The following FILIP1L variants were observed in gnomAD, a reference collection of about 807,000 sequenced individuals.
FILIP1L encodes filamin A-interacting protein 1-like.
In FILIP1L, 55 loss-of-function variants were observed where a neutral mutation model predicts 96.6. The ratio of observed to expected loss-of-function variants is 0.57; its 90% CI spans 0.46 to 0.71. The LOEUF (loss-of-function observed/expected upper bound fraction) is 0.71. Among genes scored for constraint, FILIP1L ranks in the 30% least tolerant of loss-of-function variants. The probability of loss-of-function intolerance (pLI) is 0.00; values close to 1 mark genes in which losing one functional copy is unlikely to be tolerated. For missense variants in FILIP1L, 1,304 were observed against 1,321.2 expected, an observed-to-expected ratio of 0.99 and a Z score of 0.20; for synonymous variants, 467 against 473.9, an observed-to-expected ratio of 0.99 and a Z score of 0.19.
chr3:100,021,940 TGTGTGTGTGTGTGTGTGTGTGA>T, intron 1 of FILIP1L, among the ~76,000 whole-genome samples: 1 of 127,254 alleles, frequency 7.9e-6, no homozygotes, highest in Non-Finnish European at 1.7e-5. Flanking sequence ...TGTGTGTGTG[TGTGTGTGTGTGTGTGTGTGTGA>T]GAGAGAGAGA....
intron 4 of FILIP1L, among the ~76,000 whole-genome samples, chr3:99,914,692 T>A (rs1449171117): frequency 6.6e-6 from 1 of 152,256 alleles, no homozygotes; most frequent in African/African-American, 2.4e-5. Flanking sequence ...TCATAACTTT[T>A]GACTTAGCAA....
At chr3:99,859,089 G>A (rs1944113658) in intron 4 of FILIP1L, among the ~76,000 whole-genome samples, 1 of 152,196 alleles carries the variant, frequency 6.6e-6, no homozygotes, top group Admixed American at 6.5e-5. Context: ...ATAAGACATT[G>A]TGTTTTGTTT....
chr3:99,973,184 A>G (rs1373811367), intron 1 of FILIP1L, among the ~76,000 whole-genome samples: 3 of 152,250 alleles, frequency 2.0e-5, no homozygotes, highest in Non-Finnish European at 4.4e-5. Flanking sequence ...GAATTCTCTG[A>G]AAAACTAGGA....
intron 1 of FILIP1L, among the ~76,000 whole-genome samples, chr3:99,960,696 A>T (rs1213353880): frequency 6.6e-6 from 1 of 152,124 alleles, no homozygotes; most frequent in African/African-American, 2.4e-5. Flanking sequence ...GATTGAGGGG[A>T]GGAACACTTT....
At chr3:100,035,240 C>G (rs1452042785) in intron 1 of FILIP1L, among the ~76,000 whole-genome samples, 2 of 152,092 alleles carry the variant, frequency 1.3e-5, no homozygotes, top group African/African-American at 4.8e-5. Flanking sequence ...AAATGAATGT[C>G]CATGCTGTGC....
intron 1 of FILIP1L, among the ~76,000 whole-genome samples, chr3:99,970,386 G>A (rs939653630): frequency 6.6e-6 from 1 of 152,214 alleles, no homozygotes; most frequent in African/African-American, 2.4e-5. Context: ...TCTTAAGCAT[G>A]TAATAACTGA....
At chr3:99,975,774 C>T (rs1330867127) in intron 1 of FILIP1L, among the ~76,000 whole-genome samples, 1 of 152,182 alleles carries the variant, frequency 6.6e-6, no homozygotes, top group Non-Finnish European at 1.5e-5. Context: ...GACATTCTTA[C>T]TCAAATTGAA....
At chr3:99,858,224 GGGA>G (rs1240262645) in intron 4 of FILIP1L, among the ~76,000 whole-genome samples, 2 of 152,294 alleles carry the variant, frequency 1.3e-5, no homozygotes, top group African/African-American at 4.8e-5. Flanking sequence ...CCAGCACTTT[GGGA>G]GGCTGAGGCA....
chr3:100,071,172 C>G (rs909141581), intron 1 of FILIP1L, among the ~76,000 whole-genome samples: 3 of 135,064 alleles, frequency 2.2e-5, no homozygotes, highest in African/African-American at 8.4e-5. Flanking sequence ...CTATTTCAGA[C>G]ATATCACTGT....
intron 4 of FILIP1L, among the ~76,000 whole-genome samples, chr3:99,892,742 G>T (rs569777211): frequency 4.1e-4 from 62 of 152,124 alleles, no homozygotes; most frequent in Admixed American, 3.9e-4. Flanking sequence ...ACCCTCAAAG[G>T]CTTGCCCTTA....
chr3:99,853,683 C>T (rs1943817386), intron 4 of FILIP1L, among the ~76,000 whole-genome samples: 1 of 152,088 alleles, frequency 6.6e-6, no homozygotes, highest in Admixed American at 6.5e-5. Flanking sequence ...AGTTGGCATC[C>T]CCATCTGTTC....
intron 1 of FILIP1L, among the ~76,000 whole-genome samples, chr3:100,029,621 A>T (rs185210530): frequency 9.3e-4 from 142 of 152,312 alleles, no homozygotes; most frequent in African/African-American, 3.2e-3. Context: ...TCACTAAAAT[A>T]AAAAAGCAAA....
chr3:99,969,100 A>T (rs1708739544), intron 1 of FILIP1L, among the ~76,000 whole-genome samples: 1 of 152,158 alleles, frequency 6.6e-6, no homozygotes, highest in African/African-American at 2.4e-5. Flanking sequence ...GGGAGTGCTG[A>T]AAAGGGGGGC....
intron 1 of FILIP1L, among the ~76,000 whole-genome samples, chr3:99,989,684 A>ATAT (rs1491243903): frequency 1.7e-5 from 1 of 58,340 alleles, no homozygotes; most frequent in Non-Finnish European, 3.9e-5. Flanking sequence ...ATATATATAT[A>ATAT]TTTTTTTTCT....
intron 1 of FILIP1L, among the ~76,000 whole-genome samples, chr3:100,027,407 A>G (rs1226120149): frequency 6.6e-6 from 1 of 152,180 alleles, no homozygotes; most frequent in East Asian, 1.9e-4. Context: ...AAACTCTTCA[A>G]TAGGCCAAAC....
chr3:99,917,557 A>T (rs1168335797), intron 4 of FILIP1L, among the ~76,000 whole-genome samples: 3 of 152,200 alleles, frequency 2.0e-5, no homozygotes, highest in African/African-American at 7.2e-5. Flanking sequence ...TCAAAAAATC[A>T]AAGCATTGGT....
intron 1 of FILIP1L, among the ~76,000 whole-genome samples, chr3:100,059,213 C>A (rs1273930597): frequency 6.6e-6 from 1 of 152,210 alleles, no homozygotes; most frequent in Non-Finnish European, 1.5e-5. Flanking sequence ...TTGTTTCTGT[C>A]CAGTTTCTGG....
At position 99,924,368 on chromosome 3, in the gene FILIP1L, C is replaced by T. The variant is rs751372890; in HGVS notation, c.467G>A (p.Arg156Gln). The T allele has an allele frequency of 6.2e-6, 10 of 1,614,088 alleles. No individual in the cohort carries two copies. The highest frequency in any genetic ancestry group is 3.3e-5 in the South Asian group (3 of 91,058). The change falls in exon 4 of 6, where the codon CGA (arginine) becomes CAA (glutamine). Residue 156 changes from arginine (R) to glutamine (Q), a missense_variant. By Grantham distance (43) the Arg-to-Gln change is conservative. Coordinates refer to ENST00000477258, the MANE Select transcript of FILIP1L (RefSeq NM_001387850.1). ...VVEKHKESYR[R>Q]ILGQLLVAEK... ...TGCCACTAAAAGCTGTCCCAGGATT[C>T]GTCTGTAAGATTCTTTATGTTTTTC...
At chr3:99,951,063 G>A (rs554616699) in intron 1 of FILIP1L, among the ~76,000 whole-genome samples, 36 of 152,230 alleles carry the variant, frequency 2.4e-4, no homozygotes, top group Admixed American at 1.3e-3. Flanking sequence ...TGCACCTAAC[G>A]TGCTGGCCTT....
Sources: allele counts gnomAD v4.1 joint callset (sites outside exome capture counted in the v4.1 genomes callset), GRCh38; gene constraint gnomAD v4.1.1; transcripts MANE v1.5; gene names NCBI Gene and HGNC (gene_info 2026-07-23, HGNC 2026-07-21).